Variants in PHKB observed in about 807,000 individuals in gnomAD.
The protein encoded by PHKB is phosphorylase kinase regulatory subunit beta.
A neutral mutation model predicts 152.1 loss-of-function variants in PHKB; 122 were observed. The observed-to-expected ratio is 0.80, with a 90% CI of 0.69 to 0.93. The LOEUF (loss-of-function observed/expected upper bound fraction) is 0.93. Among genes scored for constraint, PHKB ranks in the 40% least tolerant of loss-of-function variants. The probability of loss-of-function intolerance (pLI) is 0.00; values close to 1 mark genes in which losing one functional copy is unlikely to be tolerated. For missense variants in PHKB, 1,304 were observed against 1,328.4 expected, an observed-to-expected ratio of 0.98 and a Z score of 0.29; for synonymous variants, 436 against 464.9, an observed-to-expected ratio of 0.94 and a Z score of 0.80.
chr16:47,618,548 A>G (rs535626977), intron 14 of PHKB, among the ~76,000 whole-genome samples: 1 of 152,310 alleles, frequency 6.6e-6, no homozygotes, highest in African/African-American at 2.4e-5. Flanking sequence ...GATGTCCCCA[A>G]ATAGATACAA....
chr16:47,623,099 T>G (rs1450861481), intron 14 of PHKB, among the ~76,000 whole-genome samples: 3 of 152,176 alleles, frequency 2.0e-5, no homozygotes, highest in African/African-American at 7.2e-5. Context: ...TTAATCTCTC[T>G]AAGCCCCACT....
Position 47,528,261 on chromosome 16 carries a change from C to G in PHKB, c.594+12660C>G, listed in dbSNP as rs775518395. On this transcript the variant is annotated intron_variant, in intron 6 of 30. Transcript: ENST00000323584. ...ATTGTAATAGCTAAGATTTTTTTTG[C>G]CCCTTGCTCTCTTGAGAACCAATTT... is the stretch of plus-strand genomic sequence containing the variant. Among the ~76,000 whole-genome samples the G allele has an allele frequency of 1.3e-4, 20 of 151,914 alleles. 1 individual carries two copies. The highest frequency in any genetic ancestry group is 3.9e-4 in the Admixed American group (6 of 15,266).
intron 26 of PHKB, among the ~76,000 whole-genome samples, chr16:47,674,271 A>C (rs1263679695): frequency 1.3e-5 from 2 of 151,974 alleles, no homozygotes; most frequent in African/African-American, 4.8e-5. Flanking sequence ...AATAAATGAG[A>C]TTTTGCACCT....
chr16:47,638,225 T>C (rs928274380), intron 14 of PHKB, among the ~76,000 whole-genome samples: 1 of 152,024 alleles, frequency 6.6e-6, no homozygotes, highest in Non-Finnish European at 1.5e-5. Context: ...TATAAAAAAA[T>C]AGGATGACAG....
chr16:47,551,493 A>C (rs1971270172), intron 7 of PHKB, among the ~76,000 whole-genome samples: 1 of 152,096 alleles, frequency 6.6e-6, no homozygotes, highest in Admixed American at 6.6e-5. Flanking sequence ...TTCAGGAGCA[A>C]GTTCTTCAGT....
At chr16:47,478,326 T>C (rs1381207969) in intron 1 of PHKB, among the ~76,000 whole-genome samples, 1 of 152,198 alleles carries the variant, frequency 6.6e-6, no homozygotes, top group Non-Finnish European at 1.5e-5. Flanking sequence ...ATGGTTCATT[T>C]ACATGGCTGA....
chr16:47,665,043 T>G (rs1973514265), intron 25 of PHKB, 68 bp downstream of exon 25: 2 of 973,922 alleles, frequency 2.1e-6, no homozygotes, highest in South Asian at 2.6e-5. Context: ...CTCTGAAGGT[T>G]AAATATGTCT....
At chr16:47,660,630 T>C (rs1973424785) in intron 21 of PHKB, 27 bp from the exon 22 acceptor site, 1 of 1,612,810 alleles carries the variant, frequency 6.2e-7, no homozygotes, top group Non-Finnish European at 8.5e-7. Flanking sequence ...AAGCAGAAAA[T>C]ATGAAACCTT....
chr16:47,581,836 C>A (rs924689010), intron 8 of PHKB, among the ~76,000 whole-genome samples: 1 of 152,094 alleles, frequency 6.6e-6, no homozygotes, highest in Non-Finnish European at 1.5e-5. Context: ...GCTGCCACCA[C>A]GCCCGGCTAA....
At position 47,479,882 on chromosome 16, in the gene PHKB, G is replaced by T. The variant is rs1306521915; in HGVS notation, c.77-17517G>T. 2.0e-5 allele frequency among the ~76,000 whole-genome samples: 3 copies of T among 152,256 alleles called. No homozygotes were observed. The South Asian group carries it at 6.2e-4, about 32-fold the overall frequency. On this transcript the variant is annotated intron_variant, in intron 1 of 30. Transcript: ENST00000323584. ...TTCACTGGTATGGCACTCTGCTTCT[G>T]TCAGTTTGCTGGTGTACTCCAGGTT... is the stretch of plus-strand genomic sequence containing the variant.
intron 16 of PHKB, among the ~76,000 whole-genome samples, chr16:47,645,278 A>C (rs1464594865): frequency 7.2e-6 from 1 of 139,786 alleles, no homozygotes; most frequent in East Asian, 2.0e-4. Context: ...TTGGACATGA[A>C]GTCCTTGCCC....
At chr16:47,505,757 G>T (rs184116624) in intron 4 of PHKB, among the ~76,000 whole-genome samples, 1 of 152,012 alleles carries the variant, frequency 6.6e-6, no homozygotes, top group African/African-American at 2.4e-5. Flanking sequence ...AATAGGCCAG[G>T]CATGGTGGCT....
chr16:47,595,441 A>G (rs916655316), intron 12 of PHKB, among the ~76,000 whole-genome samples: 1 of 152,218 alleles, frequency 6.6e-6, no homozygotes, highest in African/African-American at 2.4e-5. Flanking sequence ...TTATTTTCCC[A>G]TTATATCATC....
At chr16:47,582,059 A>G (rs1351134708) in intron 8 of PHKB, among the ~76,000 whole-genome samples, 4 of 152,234 alleles carry the variant, frequency 2.6e-5, no homozygotes, top group African/African-American at 7.2e-5. Flanking sequence ...TTTCTAGAGC[A>G]TATATCAAGG....
In PHKB at chr16:47,689,100, T is replaced by C; in HGVS notation, c.2690T>C (p.Leu897Ser). The C allele has an allele frequency of 6.2e-7, 1 of 1,613,944 alleles. No homozygotes were observed. Among genetic ancestry groups the C allele is most frequent in the Non-Finnish European group, 8.5e-7 (1 of 1,179,846 alleles). Residue 897 changes from leucine (L) to serine (S), a missense_variant, in exon 27 of 31, where the codon TTG becomes TCG. Physicochemically the swap from Leu to Ser is moderately radical, Grantham distance 145. Transcript: ENST00000323584. ...ATCCGTGGCGGAGACAAGCCAGCCT[T>C]GGACTTGTATCAGCTGTCACCTAGT... ...LQIRGGDKPA[L>S]DLYQLSPSEV...
At chr16:47,661,025 G>A (rs1048293486) in intron 22 of PHKB, among the ~76,000 whole-genome samples, 5 of 152,190 alleles carry the variant, frequency 3.3e-5, no homozygotes, top group Admixed American at 2.0e-4. Flanking sequence ...CTTAAGAAGT[G>A]CAGGTGAATA....
intron 6 of PHKB, among the ~76,000 whole-genome samples, chr16:47,516,380 A>T (rs1226457120): frequency 2.0e-5 from 3 of 152,186 alleles, no homozygotes; most frequent in South Asian, 2.1e-4. Flanking sequence ...TCTTATTAGG[A>T]AAATTGTAAA....
chr16:47,617,243 TATA>T (rs1267670775), intron 14 of PHKB, among the ~76,000 whole-genome samples: 9 of 147,910 alleles, frequency 6.1e-5, no homozygotes, highest in South Asian at 2.1e-4. Flanking sequence ...ATATAAAATA[TATA>T]ATATTTATAT....
intron 3 of PHKB, among the ~76,000 whole-genome samples, chr16:47,501,539 TCTC>T (rs1221758548): frequency 5.3e-5 from 8 of 152,150 alleles, no homozygotes; most frequent in Non-Finnish European, 1.0e-4. Context: ...TGTAGGCAAA[TCTC>T]CTTGTTTTCT....
Sources: allele counts gnomAD v4.1 joint callset (sites outside exome capture counted in the v4.1 genomes callset), GRCh38; gene constraint gnomAD v4.1.1; transcripts MANE v1.5; gene names NCBI Gene and HGNC (gene_info 2026-07-23, HGNC 2026-07-21).